The following RIMS1 variants were observed in gnomAD, a reference collection of about 807,000 sequenced individuals.
RIMS1 encodes the protein regulating synaptic membrane exocytosis 1.
Under a neutral mutation model 214.1 loss-of-function variants are expected in RIMS1, and 83 were observed. The observed-to-expected ratio is 0.39, with a 90% CI of 0.32 to 0.47. The LOEUF (loss-of-function observed/expected upper bound fraction) is 0.47. Among genes scored for constraint, RIMS1 ranks in the 20% least tolerant of loss-of-function variants. RIMS1 has a pLI of 0.99. For missense variants in RIMS1, 2,050 were observed against 2,161.8 expected (o/e 0.95, Z 1.03); for synonymous variants, 793 against 786.8 (o/e 1.01, Z -0.13).
chr6:71,963,368 G>A (rs142323836), intron 1 of RIMS1, among the ~76,000 whole-genome samples: 1 of 152,176 alleles, frequency 6.6e-6, no homozygotes, highest in Non-Finnish European at 1.5e-5. Context: ...GCCCCGGCAG[G>A]GTGGTAAGAA....
At chr6:72,247,509 T>C (rs2154127305) in intron 11 of RIMS1, among the ~76,000 whole-genome samples, 1 of 129,338 alleles carries the variant, frequency 7.7e-6, no homozygotes, top group East Asian at 2.2e-4. Flanking sequence ...CACTCCAGCC[T>C]GGGCAACAAG....
chr6:72,025,397 A>G (rs1400214276), intron 2 of RIMS1, among the ~76,000 whole-genome samples: 1 of 152,206 alleles, frequency 6.6e-6, no homozygotes. Context: ...ATTTAAAAAC[A>G]GGTTAATCTA....
chr6:72,384,239 A>G (rs2098546930), intron 29 of RIMS1, among the ~76,000 whole-genome samples: 1 of 152,026 alleles, frequency 6.6e-6, no homozygotes, highest in Admixed American at 6.6e-5. Context: ...GAAAAGGACA[A>G]CCTCCCCTAA....
At chr6:72,309,695 T>A (rs2095416651) in intron 27 of RIMS1, among the ~76,000 whole-genome samples, 2 of 152,062 alleles carry the variant, frequency 1.3e-5, no homozygotes, top group African/African-American at 4.8e-5. Context: ...TCTTACTGAA[T>A]AGATACTACT....
chr6:72,339,499 G>C (rs1048667286), intron 29 of RIMS1, among the ~76,000 whole-genome samples: 8 of 149,032 alleles, frequency 5.4e-5, no homozygotes, highest in African/African-American at 7.5e-5. Context: ...TGTTCTCATT[G>C]TTCAATTCCC....
intron 29 of RIMS1, among the ~76,000 whole-genome samples, chr6:72,335,084 T>C (rs151331220): frequency 6.6e-6 from 1 of 152,006 alleles, no homozygotes; most frequent in Admixed American, 6.6e-5. Context: ...AATTACACTT[T>C]AAGCTCTGGG....
At chr6:71,889,235 G>A (rs1768841811) in intron 1 of RIMS1, among the ~76,000 whole-genome samples, 2 of 152,194 alleles carry the variant, frequency 1.3e-5, no homozygotes, top group African/African-American at 4.8e-5. Context: ...ATGGTGGAGA[G>A]TGAGGGATTT....
chr6:72,325,871 T>G (rs1402453071), intron 28 of RIMS1, among the ~76,000 whole-genome samples: 2 of 151,742 alleles, frequency 1.3e-5, no homozygotes, highest in Non-Finnish European at 2.9e-5. Context: ...CCAGACACCT[T>G]TAGGAGGTAT....
Position 72,217,143 on chromosome 6 carries a change from G to T in RIMS1, c.1679-16630G>T, listed in dbSNP as rs1473507716. On this transcript the variant is annotated intron_variant, in intron 6 of 33. Transcript: ENST00000521978. Reference sequence around the variant, plus strand: ...CTGCCATTGCTAGCTGAAATTTAATGATTTGATGCCAGTGGCATTTAGTTA... The same window carrying T: ...CTGCCATTGCTAGCTGAAATTTAATTATTTGATGCCAGTGGCATTTAGTTA... The T allele has an allele frequency of 2.0e-6, 3 of 1,532,690 alleles. No homozygotes were observed. The Admixed American group carries it at 6.0e-5, about 31-fold the overall frequency. The allele number at this position is 1,532,690 out of a possible 1,614,324, so 94.9% of individuals were successfully genotyped here. A position where few individuals can be genotyped will look rare whatever the true frequency, so the allele number is the denominator to read the frequency against.
intron 1 of RIMS1, among the ~76,000 whole-genome samples, chr6:71,958,822 A>G (rs1322984619): frequency 1.3e-5 from 2 of 152,098 alleles, no homozygotes; most frequent in African/African-American, 2.4e-5. Flanking sequence ...GGAGTAAGAA[A>G]TCCTGTTTGC....
chr6:72,155,134 C>T (rs2044263360), intron 4 of RIMS1, among the ~76,000 whole-genome samples: 1 of 140,672 alleles, frequency 7.1e-6, no homozygotes. Flanking sequence ...CCATTTTCTC[C>T]TAGGCCTCCA....
At chr6:72,117,645 T>G (rs540703538) in intron 4 of RIMS1, among the ~76,000 whole-genome samples, 1 of 151,980 alleles carries the variant, frequency 6.6e-6, no homozygotes, top group Non-Finnish European at 1.5e-5. Context: ...TAGAAATACA[T>G]GGAAATTAAA....
chr6:71,963,310 A>G (rs1360969386), intron 1 of RIMS1, among the ~76,000 whole-genome samples: 1 of 151,982 alleles, frequency 6.6e-6, no homozygotes, highest in Admixed American at 6.6e-5. Context: ...AAATAATTTA[A>G]CCTCTTAGAT....
At chr6:71,976,594 G>T (rs1325428948) in intron 2 of RIMS1, among the ~76,000 whole-genome samples, 1 of 151,952 alleles carries the variant, frequency 6.6e-6, no homozygotes, top group Non-Finnish European at 1.5e-5. Context: ...TTTTAATTTT[G>T]ATGAAGTCTA....
At chr6:72,182,159 A>T in intron 5 of RIMS1, 125 bp from the exon 6 acceptor site, 1 of 1,052,364 alleles carries the variant, frequency 9.5e-7, no homozygotes, top group Non-Finnish European at 1.3e-6. Flanking sequence ...TTCCACCTTC[A>T]GATCCAAATC....
rs146496448 is a variant in RIMS1, at chr6:72,336,349, A to G, written c.4366+2514A>G. ...TAAGTAATGGGTTCAAATTATGGTCATCAAAACACTTAGCCTCTTTGCTTT... is the reference window on the plus strand; with the variant it reads ...TAAGTAATGGGTTCAAATTATGGTCGTCAAAACACTTAGCCTCTTTGCTTT... On this transcript the variant is annotated intron_variant, in intron 29 of 33. Coordinates refer to ENST00000521978, the MANE Select transcript of RIMS1 (RefSeq NM_014989.7). Among the ~76,000 whole-genome samples, 239 of 151,956 alleles carry G rather than the reference A, an allele frequency of 1.6e-3. 1 individual carries two copies. Among genetic ancestry groups the G allele is most frequent in the African/African-American group, 5.0e-3 (209 of 41,530 alleles).
chr6:72,173,598 G>A (rs2047325645), intron 4 of RIMS1, among the ~76,000 whole-genome samples: 1 of 151,640 alleles, frequency 6.6e-6, no homozygotes, highest in South Asian at 2.1e-4. Context: ...CTCTTTTAAG[G>A]TTGACATCTG....
At chr6:72,381,018 G>A (rs2098477200) in intron 29 of RIMS1, among the ~76,000 whole-genome samples, 1 of 152,122 alleles carries the variant, frequency 6.6e-6, no homozygotes, top group Non-Finnish European at 1.5e-5. Flanking sequence ...TTATTTACTA[G>A]GGCTGCTGTA....
At chr6:72,321,967 G>A (rs1004553224) in intron 28 of RIMS1, among the ~76,000 whole-genome samples, 2 of 151,896 alleles carry the variant, frequency 1.3e-5, no homozygotes, top group Admixed American at 1.3e-4. Context: ...TTTATAAGAA[G>A]ACTAAAAAGA....
Sources: allele counts gnomAD v4.1 joint callset (sites outside exome capture counted in the v4.1 genomes callset), GRCh38; gene constraint gnomAD v4.1.1; transcripts MANE v1.5; gene names NCBI Gene and HGNC (gene_info 2026-07-23, HGNC 2026-07-21).